Variants in EBF1 observed in about 807,000 individuals in gnomAD.
The protein encoded by EBF1 is EBF transcription factor 1.
EBF1 carries 10 observed loss-of-function variants against 68.4 expected under a neutral mutation model. That is an observed-to-expected ratio of 0.15 (90% confidence interval 0.09 to 0.25). The LOEUF (loss-of-function observed/expected upper bound fraction) is 0.25, where lower values mean the gene tolerates loss of function less well. EBF1 is among the 10% of genes least tolerant of loss of function. EBF1 has a pLI of 1.00. For missense variants in EBF1, 509 were observed against 794.4 expected, an observed-to-expected ratio of 0.64 and a Z score of 4.32; for synonymous variants, 298 against 299.8, an observed-to-expected ratio of 0.99 and a Z score of 0.06.
At chr5:159,014,488 G>A (rs1765291392) in intron 6 of EBF1, among the ~76,000 whole-genome samples, 1 of 152,228 alleles carries the variant, frequency 6.6e-6, no homozygotes, top group East Asian at 1.9e-4. Flanking sequence ...CTCCAGGAGT[G>A]TTATGAGGCA....
At chr5:158,752,834 A>G (rs1329733950) in intron 10 of EBF1, among the ~76,000 whole-genome samples, 1 of 152,018 alleles carries the variant, frequency 6.6e-6, no homozygotes, top group Non-Finnish European at 1.5e-5. Context: ...CTCACACCAC[A>G]CAGATAATTA....
intron 8 of EBF1, among the ~76,000 whole-genome samples, chr5:158,818,857 T>TA (rs1391151064): frequency 1.3e-5 from 2 of 151,180 alleles, no homozygotes; most frequent in Non-Finnish European, 2.9e-5. Flanking sequence ...GTTTATATTC[T>TA]AAAAACTCTT....
At chr5:158,875,056 TAC>T (rs3035121) in intron 6 of EBF1, among the ~76,000 whole-genome samples, 16,746 of 147,298 alleles carry the variant, frequency 0.11, 1,127 homozygotes, top group South Asian at 0.17. Context: ...CACACACACA[TAC>T]ACACACACAC....
chr5:158,741,210 C>T (rs775108267), intron 10 of EBF1, among the ~76,000 whole-genome samples: 42 of 152,228 alleles, frequency 2.8e-4, no homozygotes, highest in Admixed American at 1.7e-3. Flanking sequence ...TTGGTTTTCA[C>T]GTGGCACTTT....
intron 10 of EBF1, among the ~76,000 whole-genome samples, chr5:158,743,009 C>T (rs770834904): frequency 2.6e-5 from 4 of 152,152 alleles, no homozygotes; most frequent in South Asian, 2.1e-4. Flanking sequence ...AAGTCCAGTG[C>T]CCTGTGAGTC....
intron 6 of EBF1, among the ~76,000 whole-genome samples, chr5:158,848,013 G>A (rs530263086): frequency 3.9e-5 from 6 of 152,150 alleles, no homozygotes; most frequent in East Asian, 1.9e-4. Context: ...GAGGCAGAAG[G>A]AGCCTCAGCT....
At chr5:158,817,829 T>C (rs1213280295) in intron 8 of EBF1, among the ~76,000 whole-genome samples, 1 of 152,228 alleles carries the variant, frequency 6.6e-6, no homozygotes, top group Admixed American at 6.5e-5. Context: ...ATTATCCTAC[T>C]GCACCTAGCT....
intron 10 of EBF1, among the ~76,000 whole-genome samples, chr5:158,760,798 T>C (rs1387541189): frequency 6.6e-6 from 1 of 152,194 alleles, no homozygotes; most frequent in African/African-American, 2.4e-5. Context: ...AGTTGTGTTA[T>C]TATTTTCCTC....
intron 11 of EBF1, among the ~76,000 whole-genome samples, chr5:158,730,746 G>A (rs545470393): frequency 1.4e-4 from 21 of 152,272 alleles, no homozygotes; most frequent in Admixed American, 1.2e-3. Context: ...TTGGTTTAGC[G>A]ATTTACATGC....
At chr5:158,947,113 C>T (rs1814921652) in intron 6 of EBF1, among the ~76,000 whole-genome samples, 1 of 152,226 alleles carries the variant, frequency 6.6e-6, no homozygotes, top group African/African-American at 2.4e-5. Context: ...TGGATCTTAG[C>T]TTGCTGGGCT....
chr5:158,899,401 G>T (rs578200462), intron 6 of EBF1, among the ~76,000 whole-genome samples: 2 of 152,228 alleles, frequency 1.3e-5, no homozygotes, highest in African/African-American at 4.8e-5. Flanking sequence ...ATTCCCGAAT[G>T]GTGGGAATCA....
intron 8 of EBF1, among the ~76,000 whole-genome samples, chr5:158,819,109 G>A (rs922958722): frequency 6.6e-6 from 1 of 151,832 alleles, no homozygotes; most frequent in Non-Finnish European, 1.5e-5. Context: ...AAAGAAGAGA[G>A]GAAAGGAGAA....
intron 1 of EBF1, among the ~76,000 whole-genome samples, chr5:159,098,686 GAAGA>G (rs149687487): frequency 0.015 from 2,213 of 149,996 alleles, 50 homozygotes; most frequent in African/African-American, 0.051. Flanking sequence ...ATGAAAGAAA[GAAGA>G]AAGAAAAGAA....
chr5:158,808,987 T>C (rs1357168076), intron 8 of EBF1, among the ~76,000 whole-genome samples: 4 of 152,104 alleles, frequency 2.6e-5, no homozygotes, highest in Non-Finnish European at 4.4e-5. Context: ...TTCCTATCTT[T>C]CCCATTTATT....
rs965168893 is a variant in EBF1, at chr5:158,696,004, A to T, written c.*3107T>A. The T allele has an allele frequency of 1.6e-5, 3 of 193,084 alleles. No individual in the cohort carries two copies. The highest frequency in any genetic ancestry group is 2.1e-5 in the Non-Finnish European group (2 of 93,842). The allele number at this position is 193,084 out of a possible 1,614,324, so 12.0% of individuals were successfully genotyped here. On this transcript the variant is annotated 3_prime_UTR_variant, in exon 16 of 16. Transcript: ENST00000313708. The stretch of plus-strand genomic sequence containing the variant: ...GAATTTTTGCAAAAAAAAAAAAAAA[A>T]TTTAACAATCTCTACAGTAGTTAGG...
chr5:159,045,862 A>C (rs1056068357), intron 6 of EBF1, among the ~76,000 whole-genome samples: 11 of 152,166 alleles, frequency 7.2e-5, no homozygotes, highest in African/African-American at 2.7e-4. Context: ...CAATTCTCCC[A>C]TCTTCCCACC....
chr5:158,736,259 GT>G (rs1378253389), intron 10 of EBF1, among the ~76,000 whole-genome samples: 15 of 152,164 alleles, frequency 9.9e-5, no homozygotes, highest in African/African-American at 3.1e-4. Flanking sequence ...CCACTCCTCC[GT>G]CCCCGTTAAC....
At chr5:158,860,859 C>G (rs1794848801) in intron 6 of EBF1, among the ~76,000 whole-genome samples, 1 of 152,174 alleles carries the variant, frequency 6.6e-6, no homozygotes, top group Non-Finnish European at 1.5e-5. Context: ...CCACCTCCAG[C>G]ACCCTGCACA....
chr5:158,952,339 T>C (rs1816199960), intron 6 of EBF1, among the ~76,000 whole-genome samples: 1 of 152,134 alleles, frequency 6.6e-6, no homozygotes. Context: ...ATAAGGACAT[T>C]ATATTCCACG....
Sources: gnomAD v4.1 joint callset for allele counts (sites outside exome capture counted in the v4.1 genomes callset) on GRCh38, gnomAD v4.1.1 for gene constraint, MANE v1.5 for transcripts, NCBI Gene and HGNC (gene_info 2026-07-23, HGNC 2026-07-21) for gene names.